SPAG9: variants seen among roughly 807,000 people sequenced by gnomAD.
The protein encoded by SPAG9 is C-Jun-amino-terminal kinase-interacting protein 4.
SPAG9 carries 35 observed loss-of-function variants against 166.5 expected under a neutral mutation model. The observed-to-expected ratio is 0.21, with a 90% CI of 0.16 to 0.28. The LOEUF (loss-of-function observed/expected upper bound fraction) is 0.28. Ranked by LOEUF, SPAG9 falls within the 10% of genes least tolerant of loss-of-function variation. SPAG9 has a pLI of 1.00. For missense variants in SPAG9, 1,235 were observed against 1,603.3 expected (o/e 0.77, Z 3.92); for synonymous variants, 534 against 565.5 (o/e 0.94, Z 0.79).
chr17:51,067,291 T>C (rs2047700990), intron 2 of SPAG9, among the ~76,000 whole-genome samples: 1 of 152,130 alleles, frequency 6.6e-6, no homozygotes, highest in Non-Finnish European at 1.5e-5. Context: ...TATAAACACT[T>C]TTGAGAAGTC....
At position 51,005,208 on chromosome 17, in the gene SPAG9, C is replaced by G. The variant is rs1311843415; in HGVS notation, c.1476+4G>C. ...AGAAAAAAAGTCCAAAATTGTAAAC[C>G]TACATCATCGTCATCTTTTGCTTTT... On this transcript the variant is annotated splice_donor_region_variant and intron_variant, in intron 12 of 29. Coordinates refer to ENST00000262013, the MANE Select transcript of SPAG9 (RefSeq NM_001130528.3). The G allele has an allele frequency of 1.9e-6, 3 of 1,613,528 alleles. No homozygotes were observed. Among genetic ancestry groups the G allele is most frequent in the East Asian group, 2.2e-5 (1 of 44,842 alleles).
intron 2 of SPAG9, among the ~76,000 whole-genome samples, chr17:51,060,906 G>A (rs909065989): frequency 1.3e-5 from 2 of 150,354 alleles, no homozygotes; most frequent in Admixed American, 6.6e-5. Flanking sequence ...GAGTGCAATG[G>A]TGCGATCTCA....
At chr17:51,024,193 G>C (rs182069463) in intron 6 of SPAG9, among the ~76,000 whole-genome samples, 1 of 152,108 alleles carries the variant, frequency 6.6e-6, no homozygotes, top group East Asian at 2.0e-4. Flanking sequence ...CCGGGAGGCA[G>C]AGGTTGCAGT....
At chr17:51,021,012 A>G in intron 7 of SPAG9, 146 bp downstream of exon 7, 1 of 681,286 alleles carries the variant, frequency 1.5e-6, no homozygotes, top group Non-Finnish European at 2.6e-6. Flanking sequence ...CTACAGATGC[A>G]GAACCACAGA....
intron 2 of SPAG9, among the ~76,000 whole-genome samples, chr17:51,063,837 G>A (rs567997919): frequency 6.6e-5 from 10 of 152,180 alleles, no homozygotes; most frequent in South Asian, 4.1e-4. Flanking sequence ...AGCCAAGATC[G>A]TGCCACTGCA....
chr17:51,068,064 A>G (rs1211133707), intron 2 of SPAG9, among the ~76,000 whole-genome samples: 14 of 152,220 alleles, frequency 9.2e-5, no homozygotes, highest in African/African-American at 3.4e-4. Context: ...TATCCAACTC[A>G]TTATTTGCCT....
chr17:50,982,047 GAAAAAAGA>G (rs1435919065), intron 25 of SPAG9, among the ~76,000 whole-genome samples: 58 of 150,772 alleles, frequency 3.8e-4, no homozygotes, highest in African/African-American at 1.4e-3. Flanking sequence ...AAAAAAAAAA[GAAAAAAGA>G]AAAAAAGAAA....
At chr17:50,992,326 C>T (rs1975646509) in intron 19 of SPAG9, among the ~76,000 whole-genome samples, 1 of 152,094 alleles carries the variant, frequency 6.6e-6, no homozygotes, top group South Asian at 2.1e-4. Flanking sequence ...CATAGTGTTT[C>T]CAAGGTTCAT....
intron 24 of SPAG9, 136 bp from the exon 25 acceptor site, chr17:50,982,808 A>G: frequency 2.5e-6 from 2 of 789,106 alleles, no homozygotes; most frequent in Non-Finnish European, 3.8e-6. Context: ...TATATCTTTT[A>G]TTTGCAGCCT....
intron 14 of SPAG9, 145 bp from the exon 15 acceptor site, chr17:50,998,762 T>G (rs555914266): frequency 3.0e-6 from 2 of 670,676 alleles, no homozygotes; most frequent in South Asian, 3.9e-5. Context: ...TTTGTAGTCA[T>G]ACGCTGTAGC....
intron 2 of SPAG9, among the ~76,000 whole-genome samples, chr17:51,072,191 C>T (rs933165228): frequency 1.2e-4 from 18 of 151,792 alleles, no homozygotes; most frequent in Non-Finnish European, 2.6e-4. Context: ...CCTGCCTCAG[C>T]CTTCCAAGTA....
intron 28 of SPAG9, 61 bp downstream of exon 28, chr17:50,974,710 C>G: frequency 7.0e-7 from 1 of 1,437,830 alleles, no homozygotes; most frequent in Non-Finnish European, 9.4e-7. Flanking sequence ...GGTAGTGGAA[C>G]CAAGAGATGA....
chr17:50,966,351 T>C lies in SPAG9; in HGVS notation c.3887A>G (p.Asp1296Gly). Residue 1296 changes from aspartate to glycine, a missense_variant, in exon 30 of 30, where the codon GAT (aspartate) becomes GGT (glycine). This residue lies in a region of SPAG9 where 243 missense variants were observed against 358.6 expected (regional missense o/e 0.68). Coordinates refer to ENST00000262013, the MANE Select transcript of SPAG9 (RefSeq NM_001130528.3). ...EGGESELLGE[D>G]LPLEPSVTKA... is the part of the protein sequence containing the mutation. ...GGTGACAGAAGGTTCAAGTGGAAGATCCTCTCCAAGAAGTTCTGATTCTCC... is the reference window on the plus strand; with the variant it reads ...GGTGACAGAAGGTTCAAGTGGAAGACCCTCTCCAAGAAGTTCTGATTCTCC... The C allele has an allele frequency of 6.2e-7, 1 of 1,613,802 alleles. No homozygotes were observed. Among genetic ancestry groups the C allele is most frequent in the East Asian group, 2.2e-5 (1 of 44,866 alleles).
intron 1 of SPAG9, among the ~76,000 whole-genome samples, chr17:51,112,049 A>C (rs1270550876): frequency 6.6e-6 from 1 of 152,196 alleles, no homozygotes; most frequent in African/African-American, 2.4e-5. Context: ...CTTTAAAAAA[A>C]AATGTCTTAG....
chr17:51,053,850 AAAAAGTATATATATATAT>A lies in SPAG9; in HGVS notation c.495+2544_495+2561del, dbSNP rs1350640129. Among the ~76,000 whole-genome samples the A allele has an allele frequency of 1.7e-4, 10 of 57,210 alleles. 1 individual carries two copies. Among genetic ancestry groups the A allele is most frequent in the African/African-American group, 9.0e-4 (10 of 11,118 alleles). 37.5% of individuals were successfully genotyped at this position (57,210 alleles called of 152,430 possible). ...GAGACCCTAATTAAAAAAAAAAAAAAAAAAGTATATATATATATATATATATATATATATATATATATA... is the reference window on the plus strand; with the variant it reads ...GAGACCCTAATTAAAAAAAAAAAAAAATATATATATATATATATATATATA... On this transcript the variant is annotated intron_variant, in intron 3 of 29. Transcript: ENST00000262013.
chr17:51,060,494 C>T (rs2047477073), intron 2 of SPAG9, among the ~76,000 whole-genome samples: 1 of 119,890 alleles, frequency 8.3e-6, no homozygotes, highest in Non-Finnish European at 1.7e-5. Context: ...CAGAGCGGGA[C>T]TTTGTCTTTT....
In SPAG9 at chr17:51,020,014, G is replaced by C. The variant is rs2045877247; in HGVS notation, c.1091+145C>G. 8 of 607,124 alleles carry C rather than the reference G, an allele frequency of 1.3e-5. No individual in the cohort carries two copies. In the South Asian group the frequency reaches 1.7e-4, roughly 13 times the overall value. 37.6% of individuals were successfully genotyped at this position (607,124 alleles called of 1,614,324 possible). The stretch of plus-strand genomic sequence containing the variant: ...AAATTTAAACCATGTACAGTGTCCA[G>C]TTTCAAGAATAGGAATTAGAATATA... On this transcript the variant is annotated intron_variant, in intron 8 of 29. Coordinates refer to ENST00000262013, the MANE Select transcript of SPAG9 (RefSeq NM_001130528.3).
chr17:51,105,862 G>C (rs1353693106), intron 1 of SPAG9, among the ~76,000 whole-genome samples: 1 of 150,392 alleles, frequency 6.6e-6, no homozygotes, highest in African/African-American at 2.5e-5. Context: ...AGAGCAGGCT[G>C]TCTCAAAAAA....
Position 51,002,671 on chromosome 17 carries a change from T to C in SPAG9, c.1477-826A>G, listed in dbSNP as rs995241807. ...TACTTGGGAAGCTGAGGTAGGAGGA[T>C]TGCTTCAGCTGGGAGGTCAAGGCTG... On this transcript the variant is annotated intron_variant, in intron 12 of 29. Transcript: ENST00000262013. Among the ~76,000 whole-genome samples, 7 of 151,278 alleles carry C rather than the reference T, an allele frequency of 4.6e-5. No homozygotes were observed. In the East Asian group the frequency reaches 5.9e-4, roughly 13 times the overall value.
Sources: gnomAD v4.1 joint callset for allele counts (sites outside exome capture counted in the v4.1 genomes callset) on GRCh38, gnomAD v4.1.1 for gene constraint, gnomAD v4.1.1 regional missense constraint, MANE v1.5 for transcripts, NCBI Gene and HGNC (gene_info 2026-07-23, HGNC 2026-07-21) for gene names.